SYK: variants seen among roughly 807,000 people sequenced by gnomAD.
SYK encodes spleen associated tyrosine kinase.
Under a neutral mutation model 77.8 loss-of-function variants are expected in SYK, and 16 were observed. The observed-to-expected ratio is 0.21, with a 90% CI of 0.14 to 0.31. The LOEUF (loss-of-function observed/expected upper bound fraction) is 0.31, where lower values mean the gene tolerates loss of function less well. SYK is among the 10% of genes least tolerant of loss of function. SYK has a pLI of 1.00. For missense variants in SYK, 529 were observed against 814.4 expected, an observed-to-expected ratio of 0.65 and a Z score of 4.26; for synonymous variants, 312 against 308.7, an observed-to-expected ratio of 1.01 and a Z score of -0.11.
At chr9:90,825,786 A>G (rs1323360302) in intron 1 of SYK, among the ~76,000 whole-genome samples, 1 of 152,198 alleles carries the variant, frequency 6.6e-6, no homozygotes, top group Non-Finnish European at 1.5e-5. Flanking sequence ...TTTGGAGACA[A>G]GTAGGCATGT....
At chr9:90,856,930 C>T (rs1253342819) in intron 3 of SYK, among the ~76,000 whole-genome samples, 2 of 152,208 alleles carry the variant, frequency 1.3e-5, no homozygotes, top group African/African-American at 2.4e-5. Flanking sequence ...CAGGTCCTTG[C>T]TTTAAGGTGG....
chr9:90,838,547 C>T (rs2118571286), intron 1 of SYK, among the ~76,000 whole-genome samples: 1 of 152,306 alleles, frequency 6.6e-6, no homozygotes, highest in African/African-American at 2.4e-5. Flanking sequence ...TTCAGGAGCT[C>T]ACCAGACACC....
chr9:90,809,581 G>A (rs1587801526), intron 1 of SYK, among the ~76,000 whole-genome samples: 1 of 152,328 alleles, frequency 6.6e-6, no homozygotes, highest in Middle Eastern at 3.4e-3. Context: ...TTTGATCTTT[G>A]TGGCTTTTGC....
intron 4 of SYK, among the ~76,000 whole-genome samples, chr9:90,864,097 G>C (rs1827375026): frequency 6.6e-6 from 1 of 152,100 alleles, no homozygotes; most frequent in South Asian, 2.1e-4. Flanking sequence ...AGCGTTCTAA[G>C]GTACTTCTGT....
intron 11 of SYK, among the ~76,000 whole-genome samples, chr9:90,882,906 A>T (rs1675333): frequency 6.6e-6 from 1 of 152,086 alleles, no homozygotes; most frequent in African/African-American, 2.4e-5. Flanking sequence ...TCCACATTCC[A>T]GCCAAGGACT....
intron 7 of SYK, among the ~76,000 whole-genome samples, 179 bp from the exon 8 acceptor site, chr9:90,874,025 A>G (rs555229625): frequency 6.6e-6 from 1 of 152,346 alleles, no homozygotes; most frequent in Admixed American, 6.5e-5. Context: ...TGCAAGATCC[A>G]AATAATTGCC....
rs913813229 is a variant in SYK at position 90,895,022 on chromosome 9, C to T, written c.1836-506C>T. 6.6e-6 allele frequency among the ~76,000 whole-genome samples: 1 copy of T among 152,186 alleles called. No individual in the cohort carries two copies. The highest frequency in any genetic ancestry group is 1.5e-5 in the Non-Finnish European group (1 of 68,038). On this transcript the variant is annotated intron_variant, in intron 13 of 13. Transcript: ENST00000375754. The surrounding 1 kb of genome is among the most constrained non-coding windows in gnomAD (Gnocchi z 4.4). ...CAGCCCATTTTCAGAAAATCCAGAGCCATCGATTAGAGCGTGGAAAGGGAG... is the reference window on the plus strand; with the variant it reads ...CAGCCCATTTTCAGAAAATCCAGAGTCATCGATTAGAGCGTGGAAAGGGAG...
intron 1 of SYK, among the ~76,000 whole-genome samples, chr9:90,807,691 A>T (rs7041684): frequency 0.27 from 40,968 of 152,086 alleles, 6,306 homozygotes; most frequent in Non-Finnish European, 0.36. Flanking sequence ...AAGATGGGAG[A>T]ACTTTCTAAT....
chr9:90,835,539 C>A (rs1231965052), intron 1 of SYK, among the ~76,000 whole-genome samples: 1 of 152,198 alleles, frequency 6.6e-6, no homozygotes, highest in Non-Finnish European at 1.5e-5. Context: ...TTTGGGGAAG[C>A]AGAACTGGCT....
intron 4 of SYK, among the ~76,000 whole-genome samples, chr9:90,863,102 C>T (rs1436971713): frequency 6.6e-6 from 1 of 152,232 alleles, no homozygotes. Flanking sequence ...ACTGCTTTCC[C>T]TGAATCGCAG....
intron 13 of SYK, among the ~76,000 whole-genome samples, chr9:90,893,062 C>A (rs1246347993): frequency 2.0e-5 from 3 of 152,202 alleles, no homozygotes; most frequent in Non-Finnish European, 4.4e-5. Flanking sequence ...CAGGCTGCCA[C>A]CCCAGGTGCA....
chr9:90,864,769 CT>C, intron 5 of SYK, 102 bp downstream of exon 5: 2 of 992,212 alleles, frequency 2.0e-6, no homozygotes, highest in Non-Finnish European at 3.1e-6. Context: ...ATGAGGACTT[CT>C]TTTTACGGGT....
In SYK at chr9:90,803,879, T is replaced by A. The variant is rs199899565; in HGVS notation, c.-42+1986T>A. On this transcript the variant is annotated intron_variant, in intron 1 of 13. Transcript: ENST00000375754. ...TATAGTCTGGAGAGAATCCTGTAAT[T>A]CCATGCATTAATATTTCTGTACTTT... Among the ~76,000 whole-genome samples, 36 of 152,268 alleles carry A rather than the reference T, an allele frequency of 2.4e-4. No individual in the cohort carries two copies. In the East Asian group the frequency reaches 4.4e-3, roughly 19 times the overall value.
chr9:90,808,318 AGT>A (rs1824924188), intron 1 of SYK, among the ~76,000 whole-genome samples: 1 of 151,960 alleles, frequency 6.6e-6, no homozygotes, highest in East Asian at 1.9e-4. Context: ...GTGATGTATT[AGT>A]TTTCTGTGTA....
intron 13 of SYK, among the ~76,000 whole-genome samples, chr9:90,893,628 A>G (rs1377663681): frequency 2.0e-5 from 3 of 152,216 alleles, no homozygotes; most frequent in African/African-American, 7.2e-5. Flanking sequence ...GGGTTTTAGG[A>G]GCTCTGTGCC....
At chr9:90,809,257 G>A (rs1824979725) in intron 1 of SYK, among the ~76,000 whole-genome samples, 1 of 152,230 alleles carries the variant, frequency 6.6e-6, no homozygotes, top group Non-Finnish European at 1.5e-5. Flanking sequence ...ATTCTTAGAA[G>A]CCTGTTTAAA....
chr9:90,842,374 G>A (rs571667236), intron 1 of SYK, among the ~76,000 whole-genome samples: 2 of 151,310 alleles, frequency 1.3e-5, no homozygotes, highest in South Asian at 4.2e-4. Flanking sequence ...CGTATGTGAT[G>A]TGTGTAGTGC....
At chr9:90,837,664 T>C (rs1313883581) in intron 1 of SYK, among the ~76,000 whole-genome samples, 1 of 152,058 alleles carries the variant, frequency 6.6e-6, no homozygotes, top group East Asian at 1.9e-4. Flanking sequence ...ACCTTCAGGG[T>C]AGGGAATTGT....
chr9:90,829,939 C>T (rs1825818774), intron 1 of SYK, among the ~76,000 whole-genome samples: 2 of 152,206 alleles, frequency 1.3e-5, no homozygotes, highest in Non-Finnish European at 2.9e-5. Flanking sequence ...ATAGATCAGC[C>T]TTTACTTGAT....
Sources: allele counts gnomAD v4.1 joint callset (sites outside exome capture counted in the v4.1 genomes callset), GRCh38; gene constraint gnomAD v4.1.1; non-coding constraint Gnocchi (gnomAD v3.1); transcripts MANE v1.5; gene names NCBI Gene and HGNC (gene_info 2026-07-23, HGNC 2026-07-21).